The following ZGPAT variants were observed in gnomAD, a reference collection of about 807,000 sequenced individuals.
The protein encoded by ZGPAT is zinc finger CCCH-type with G patch domain-containing protein.
ZGPAT carries 39 observed loss-of-function variants against 47.9 expected under a neutral mutation model. The observed-to-expected ratio is 0.81, with a 90% confidence interval of 0.63 to 1.06. The LOEUF is 1.06. Among genes scored for constraint, ZGPAT ranks in the 50% least tolerant of loss-of-function variants. ZGPAT has a pLI of 0.00. For missense variants in ZGPAT, 717 were observed against 681.4 expected (o/e 1.05, Z -0.58); for synonymous variants, 348 against 292.9 (o/e 1.19, Z -1.92).
chr20:63,711,070 C>T (rs2091662598), intron 2 of ZGPAT, among the ~76,000 whole-genome samples: 1 of 151,228 alleles, frequency 6.6e-6, no homozygotes, highest in Non-Finnish European at 1.5e-5. Context: ...TGCTCTGTCA[C>T]CCAGGCTGGA....
intron 2 of ZGPAT, among the ~76,000 whole-genome samples, chr20:63,712,505 T>C (rs2091678998): frequency 6.6e-6 from 1 of 152,262 alleles, no homozygotes; most frequent in Non-Finnish European, 1.5e-5. Context: ...AATTTTAGGA[T>C]CGGCTTGTCC....
chr20:63,717,878 A>G (rs893912833), intron 2 of ZGPAT, among the ~76,000 whole-genome samples: 11 of 152,058 alleles, frequency 7.2e-5, no homozygotes, highest in African/African-American at 2.7e-4. Flanking sequence ...CCCCATCTCT[A>G]CTAAAAATAC....
At chr20:63,714,992 G>GT (rs1285297152) in intron 2 of ZGPAT, among the ~76,000 whole-genome samples, 1 of 152,008 alleles carries the variant, frequency 6.6e-6, no homozygotes, top group East Asian at 1.9e-4. Flanking sequence ...ATCATGTGTG[G>GT]TTTTTTTCCT....
chr20:63,708,515 C>A, intron 1 of ZGPAT, 38 bp from the exon 2 acceptor site: 1 of 1,472,076 alleles, frequency 6.8e-7, no homozygotes, highest in Non-Finnish European at 9.1e-7. Flanking sequence ...TGGGGTCGGT[C>A]CCGAGACGCG....
Position 63,733,676 on chromosome 20 carries a change from C to T in ZGPAT, c.808C>T (p.Arg270Cys), listed in dbSNP as rs200749334. 1.9e-5 allele frequency: 31 copies of T among 1,613,908 alleles called. No homozygotes were observed. The highest frequency in any genetic ancestry group is 1.3e-4 in the Admixed American group (8 of 60,010). ...GGGGGACGGCATCCTGCCCCCACTG[C>T]GCACAGAGGCCACAGAGTCCGACTC... ...VEGDGILPPL[R>C]TEATESDSDS... The change falls in exon 4 of 7, where the codon CGC (arginine) becomes TGC (cysteine). Residue 270 changes from arginine to cysteine, a missense_variant. Coordinates refer to ENST00000355969, the MANE Select transcript of ZGPAT (RefSeq NM_181485.3).
intron 2 of ZGPAT, among the ~76,000 whole-genome samples, chr20:63,721,312 A>C (rs1392533617): frequency 1.3e-5 from 2 of 151,304 alleles, no homozygotes; most frequent in Non-Finnish European, 2.9e-5. Context: ...AGATTGCGCC[A>C]TTGCACTCCA....
chr20:63,721,833 TG>T (rs1568791440), intron 2 of ZGPAT, among the ~76,000 whole-genome samples: 1 of 151,982 alleles, frequency 6.6e-6, no homozygotes, highest in Non-Finnish European at 1.5e-5. Context: ...CTGGCCAACA[TG>T]GTGAAGCCCC....
chr20:63,723,544 C>T (rs1297034741), intron 2 of ZGPAT, among the ~76,000 whole-genome samples: 1 of 116,462 alleles, frequency 8.6e-6, no homozygotes, highest in East Asian at 2.5e-4. Flanking sequence ...TAGCTCCATC[C>T]TCCCTTCTCC....
chr20:63,732,349 T>TCAGG (rs2091917087), intron 2 of ZGPAT, among the ~76,000 whole-genome samples: 5 of 39,820 alleles, frequency 1.3e-4, no homozygotes, highest in Admixed American at 8.3e-4. Flanking sequence ...GGGTGAGGTG[T>TCAGG]GTGTGTGCAT....
intron 2 of ZGPAT, among the ~76,000 whole-genome samples, chr20:63,715,121 G>A (rs1419231481): frequency 6.6e-6 from 1 of 151,886 alleles, no homozygotes; most frequent in Non-Finnish European, 1.5e-5. Context: ...TTGTAGAGAT[G>A]AGATTTCACT....
Position 63,733,651 on chromosome 20 carries a change from G to T in ZGPAT, c.783G>T (p.Glu261Asp). Residue 261 changes from glutamate to aspartate, a missense_variant, in exon 4 of 7, where the codon GAG (glutamate) becomes GAT (aspartate). By Grantham distance (45) the Glu-to-Asp change is conservative (BLOSUM62 2). Coordinates refer to ENST00000355969, the MANE Select transcript of ZGPAT (RefSeq NM_181485.3). ...DSLLLREAVV[E>D]GDGILPPLRT... The stretch of plus-strand genomic sequence containing the variant: ...TGCTGCTGAGGGAGGCCGTGGTGGA[G>T]GGGGACGGCATCCTGCCCCCACTGC... The T allele has an allele frequency of 6.2e-7, 1 of 1,613,976 alleles. No individual in the cohort carries two copies. The highest frequency in any genetic ancestry group is 8.5e-7 in the Non-Finnish European group (1 of 1,180,012).
chr20:63,711,593 C>T (rs978719680), intron 2 of ZGPAT, among the ~76,000 whole-genome samples: 6 of 151,616 alleles, frequency 4.0e-5, no homozygotes, highest in Non-Finnish European at 7.4e-5. Flanking sequence ...CTTGGATTTG[C>T]GTTGGACCTT....
At chr20:63,722,218 C>A (rs1447562286) in intron 2 of ZGPAT, among the ~76,000 whole-genome samples, 2 of 152,146 alleles carry the variant, frequency 1.3e-5, no homozygotes, top group Non-Finnish European at 2.9e-5. Context: ...AGGTTGCCTT[C>A]CCCATGGCTA....
In ZGPAT at chr20:63,733,141, G is replaced by A. The variant is rs193269421; in HGVS notation, c.585-78G>A. On this transcript the variant is annotated intron_variant, in intron 2 of 6. Transcript: ENST00000355969. ...GTCTCCCTCAGGACAGTGCCCAGGCGGATGGGTCAGTGCTCCTGGGTTGGT... is the reference window on the plus strand; with the variant it reads ...GTCTCCCTCAGGACAGTGCCCAGGCAGATGGGTCAGTGCTCCTGGGTTGGT... The A allele has an allele frequency of 6.4e-4, 996 of 1,563,168 alleles. 9 individuals carry two copies. Among genetic ancestry groups the A allele is most frequent in the Non-Finnish European group, 2.4e-4 (281 of 1,149,944 alleles).
chr20:63,708,474 C>T (rs2091600048), intron 1 of ZGPAT, 79 bp from the exon 2 acceptor site: 1 of 850,664 alleles, frequency 1.2e-6, no homozygotes. Context: ...GGAAAGGGGA[C>T]GTGCCCGTGC....
intron 2 of ZGPAT, 104 bp downstream of exon 2, chr20:63,709,268 C>G (rs994436784): frequency 1.6e-6 from 2 of 1,278,128 alleles, no homozygotes; most frequent in Non-Finnish European, 2.2e-6. Flanking sequence ...TTTGTCTCAG[C>G]TTCCTGGGGC....
At position 63,727,414 on chromosome 20, in the gene ZGPAT, G is replaced by A. The variant is rs535595247; in HGVS notation, c.585-5805G>A. Among the ~76,000 whole-genome samples, 11 of 151,810 alleles carry A rather than the reference G, an allele frequency of 7.2e-5. No homozygotes were observed. In the East Asian group the frequency reaches 1.4e-3, roughly 19 times the overall value. ...ATGACACCACGCCTGGCTAATTTTT[G>A]TATTTTTAGTAGAGACGGGGTTTCT... On this transcript the variant is annotated intron_variant, in intron 2 of 6. Coordinates refer to ENST00000355969, the MANE Select transcript of ZGPAT (RefSeq NM_181485.3).
Position 63,733,463 on chromosome 20 carries a change from T to C in ZGPAT, c.718+111T>C, listed in dbSNP as rs954488082. The C allele has an allele frequency of 3.8e-6, 6 of 1,596,852 alleles. No individual in the cohort carries two copies. The African/African-American group carries it at 8.0e-5, about 21-fold the overall frequency. On this transcript the variant is annotated intron_variant, in intron 3 of 6. Coordinates refer to ENST00000355969, the MANE Select transcript of ZGPAT (RefSeq NM_181485.3). ...GGGTTGAGTGTCGGGACTCTGGCTC[T>C]GGGCCCGAAATGAGCACACCTACCC...
intron 2 of ZGPAT, among the ~76,000 whole-genome samples, chr20:63,730,946 CTCTCTCTCT>C (rs2091892615): frequency 6.8e-6 from 1 of 147,300 alleles, no homozygotes; most frequent in Non-Finnish European, 1.5e-5. Context: ...CTCTCTCTCT[CTCTCTCTCT>C]CTCTCTCTCT....
Sources: allele counts gnomAD v4.1 joint callset (sites outside exome capture counted in the v4.1 genomes callset), GRCh38; gene constraint gnomAD v4.1.1; transcripts MANE v1.5; gene names NCBI Gene and HGNC (gene_info 2026-07-23, HGNC 2026-07-21).